The following GNA15 variants were observed in gnomAD, a reference collection of about 807,000 sequenced individuals.
GNA15 encodes G protein subunit alpha 15.
Under a neutral mutation model 40.1 loss-of-function variants are expected in GNA15, and 23 were observed. The observed-to-expected ratio is 0.57, with a 90% CI of 0.41 to 0.81. The LOEUF (loss-of-function observed/expected upper bound fraction) is 0.81. GNA15 is among the 40% of genes least tolerant of loss of function. The pLI, the probability that GNA15 is intolerant of heterozygous loss-of-function variation, is 0.00. For missense variants in GNA15, 522 were observed against 515.8 expected (o/e 1.01, Z -0.12); for synonymous variants, 226 against 210.4 (o/e 1.07, Z -0.64).
chr19:3,141,365 C>T (rs774820098), intron 1 of GNA15, among the ~76,000 whole-genome samples: 2 of 152,030 alleles, frequency 1.3e-5, no homozygotes, highest in Non-Finnish European at 2.9e-5. Flanking sequence ...TGAAAGGGAC[C>T]AGTTATGTCC....
rs757502333 is a variant in GNA15 at position 3,162,878 on chromosome 19, G to C, written c.984G>C (p.Glu328Asp). Reference protein sequence around the residue: ...RMYTGCVDGPEGSKKGARSRR... With the variant: ...RMYTGCVDGPDGSKKGARSRR... ...ACACCGGGTGCGTGGACGGCCCCGA[G>C]GGCAGCAAGAAGGGCGCACGATCCC... The change falls in exon 7 of 7, where the codon GAG becomes GAC. Residue 328 changes from glutamate (E) to aspartate (D), a missense_variant. Glu to Asp is a conservative substitution (Grantham distance 45, BLOSUM62 2). Coordinates refer to ENST00000262958, the MANE Select transcript of GNA15 (RefSeq NM_002068.4). The C allele has an allele frequency of 1.4e-5, 23 of 1,613,886 alleles. No homozygotes were observed. Among genetic ancestry groups the C allele is most frequent in the Non-Finnish European group, 1.9e-5 (22 of 1,179,910 alleles).
At chr19:3,152,962 A>G (rs1914914819) in intron 4 of GNA15, among the ~76,000 whole-genome samples, 1 of 152,124 alleles carries the variant, frequency 6.6e-6, no homozygotes. Flanking sequence ...TCAGAGTAGA[A>G]GTTGGTAAAT....
chr19:3,153,208 A>G (rs1481324008), intron 4 of GNA15, among the ~76,000 whole-genome samples: 3 of 151,310 alleles, frequency 2.0e-5, no homozygotes, highest in African/African-American at 4.9e-5. Flanking sequence ...TAGTAGTGTT[A>G]GTACCCAAGG....
intron 1 of GNA15, among the ~76,000 whole-genome samples, chr19:3,144,721 G>T (rs540721738): frequency 1.3e-5 from 2 of 151,570 alleles, no homozygotes; most frequent in Non-Finnish European, 2.9e-5. Flanking sequence ...GTAGAGACGG[G>T]GTTTCACCGT....
At chr19:3,162,534 C>G (rs56340317) in intron 6 of GNA15, among the ~76,000 whole-genome samples, 26,104 of 152,246 alleles carry the variant, frequency 0.17, 2,527 homozygotes, top group Non-Finnish European at 0.22. Flanking sequence ...TAACACAGTT[C>G]TGCCCGAAGT....
chr19:3,156,567 A>G (rs888416757), intron 5 of GNA15, among the ~76,000 whole-genome samples: 10 of 152,100 alleles, frequency 6.6e-5, no homozygotes, highest in Non-Finnish European at 1.3e-4. Context: ...ATCTCGGCTC[A>G]CTGGAAACTC....
At chr19:3,152,088 TGG>T (rs1222998511) in intron 4 of GNA15, among the ~76,000 whole-genome samples, 2 of 152,084 alleles carry the variant, frequency 1.3e-5, no homozygotes, top group African/African-American at 4.8e-5. Context: ...GGAATATTAA[TGG>T]GGTTTTGAAA....
intron 6 of GNA15, among the ~76,000 whole-genome samples, chr19:3,159,797 G>T (rs962330227): frequency 1.6e-4 from 25 of 152,148 alleles, no homozygotes; most frequent in Admixed American, 1.3e-3. Flanking sequence ...ACGTACAATG[G>T]GCAAAAACAG....
At chr19:3,149,845 G>A (rs993364224) in intron 2 of GNA15, 2 of 349,358 alleles carry the variant, frequency 5.7e-6, no homozygotes, top group Non-Finnish European at 1.1e-5. Context: ...CTAGTGTAAA[G>A]AGCGGGGCTG....
intron 2 of GNA15, 79 bp downstream of exon 2, chr19:3,148,854 A>AGG: frequency 7.2e-7 from 1 of 1,396,964 alleles, no homozygotes; most frequent in Non-Finnish European, 9.6e-7. Flanking sequence ...AGCAGGGCCA[A>AGG]GTTCCCCAGA....
Position 3,145,359 on chromosome 19 carries a change from A to ATATATATATATATTT in GNA15, c.146-3231_146-3230insATATATATATATTTT. On this transcript the variant is annotated intron_variant, in intron 1 of 6. Coordinates refer to ENST00000262958, the MANE Select transcript of GNA15 (RefSeq NM_002068.4). ...TAAATATATATATATATATATATAT[A>ATATATATATATATTT]TTTTTTTTTTTTTGTAGAGATGGGG... 7.7e-3 allele frequency among the ~76,000 whole-genome samples: 360 copies of ATATATATATATATTT among 46,924 alleles called. 3 individuals carry two copies. The highest frequency in any genetic ancestry group is 0.01 in the Non-Finnish European group (257 of 25,696). The allele number at this position is 46,924 out of a possible 152,430, so 30.8% of individuals were successfully genotyped here.
Position 3,136,193 on chromosome 19 carries a change from G to T in GNA15, c.-258G>T. 9.2e-6 allele frequency: 4 copies of T among 436,306 alleles called. No homozygotes were observed. In the South Asian group the frequency reaches 1.0e-4, roughly 11 times the overall value. 27.0% of individuals were successfully genotyped at this position (436,306 alleles called of 1,614,324 possible). On this transcript the variant is annotated 5_prime_UTR_variant, in exon 1 of 7. Coordinates refer to ENST00000262958, the MANE Select transcript of GNA15 (RefSeq NM_002068.4). The surrounding 1 kb of genome is among the most constrained non-coding windows in gnomAD (Gnocchi z 4.9). ...GGTCTGAGCAGGTCTGGAGGTGGGC[G>T]GGGAGCCCTGGCCTCCCCACCTCCT...
chr19:3,138,373 G>A (rs1282786991), intron 1 of GNA15, among the ~76,000 whole-genome samples: 1 of 152,014 alleles, frequency 6.6e-6, no homozygotes, highest in Non-Finnish European at 1.5e-5. Flanking sequence ...CTAAGCCCGG[G>A]ATGCTAGCCT....
intron 5 of GNA15, among the ~76,000 whole-genome samples, chr19:3,156,381 T>C (rs561318757): frequency 2.7e-5 from 4 of 150,224 alleles, no homozygotes; most frequent in African/African-American, 7.4e-5. Flanking sequence ...TGCACTCACG[T>C]GCACAATACA....
chr19:3,149,190 T>G (rs1352167919), intron 2 of GNA15: 11 of 182,742 alleles, frequency 6.0e-5, no homozygotes, highest in Non-Finnish European at 1.0e-4. Flanking sequence ...CACAAATAAG[T>G]GCACACACAA....
chr19:3,140,639 C>A (rs1288515043), intron 1 of GNA15, among the ~76,000 whole-genome samples: 1 of 152,162 alleles, frequency 6.6e-6, no homozygotes, highest in Non-Finnish European at 1.5e-5. Flanking sequence ...ATACAGCAAG[C>A]AACAAAAGGG....
rs563807172 is a variant in GNA15 at position 3,151,959 on chromosome 19, G to C, written c.614+124G>C. 1.5e-6 allele frequency: 1 copy of C among 658,242 alleles called. No homozygotes were observed. Among genetic ancestry groups the C allele is most frequent in the African/African-American group, 1.9e-5 (1 of 53,528 alleles). The allele number at this position is 658,242 out of a possible 1,614,324, so 40.8% of individuals were successfully genotyped here. Reference sequence around the variant, plus strand: ...GGCCCAGCCTTCAAGGAGCTGCCAAGCTAGGGGAAGCAAAGCTCCATGTAG... The same window carrying C: ...GGCCCAGCCTTCAAGGAGCTGCCAACCTAGGGGAAGCAAAGCTCCATGTAG... On this transcript the variant is annotated intron_variant, in intron 4 of 6. Transcript: ENST00000262958. This position sits in a 1 kb window ranked among gnomAD's most constrained non-coding sequence, Gnocchi z 5.0.
chr19:3,138,117 T>A (rs1245216000), intron 1 of GNA15, among the ~76,000 whole-genome samples: 2 of 151,568 alleles, frequency 1.3e-5, no homozygotes, highest in Non-Finnish European at 2.9e-5. Context: ...TACAAAAAAA[T>A]TAGCCGGGTG....
In GNA15 at chr19:3,151,085, C is replaced by G. The variant is rs1914871509; in HGVS notation, c.486-622C>G. 6.6e-6 allele frequency among the ~76,000 whole-genome samples: 1 copy of G among 151,544 alleles called. No individual in the cohort carries two copies. The highest frequency in any genetic ancestry group is 2.4e-5 in the African/African-American group (1 of 41,208). Reference sequence around the variant, plus strand: ...ACCTTGTTCCTGGGGGAACCCTATTCCTAGAGAACCCTGTTCCCGGAGTGA... The same window carrying G: ...ACCTTGTTCCTGGGGGAACCCTATTGCTAGAGAACCCTGTTCCCGGAGTGA... On this transcript the variant is annotated intron_variant, in intron 3 of 6. Transcript: ENST00000262958. This position sits in a 1 kb window ranked among gnomAD's most constrained non-coding sequence, Gnocchi z 5.0.
Sources: allele counts gnomAD v4.1 joint callset (sites outside exome capture counted in the v4.1 genomes callset), GRCh38; gene constraint gnomAD v4.1.1; non-coding constraint Gnocchi (gnomAD v3.1); transcripts MANE v1.5; gene names NCBI Gene and HGNC (gene_info 2026-07-23, HGNC 2026-07-21).